PARP6: variants seen among roughly 807,000 people sequenced by gnomAD.
PARP6 encodes the protein protein mono-ADP-ribosyltransferase PARP6.
Under a neutral mutation model 92.0 loss-of-function variants are expected in PARP6, and 27 were observed. The observed-to-expected ratio is 0.29, with a 90% CI of 0.22 to 0.40. PARP6 has a LOEUF of 0.40. Among genes scored for constraint, PARP6 ranks in the 10% least tolerant of loss-of-function variants. The pLI is 1.00. For missense variants in PARP6, 501 were observed against 784.5 expected (o/e 0.64, Z 4.32); for synonymous variants, 272 against 281.2 (o/e 0.97, Z 0.33).
intron 11 of PARP6, among the ~76,000 whole-genome samples, chr15:72,258,614 C>T (rs2085441033): frequency 6.6e-6 from 1 of 152,206 alleles, no homozygotes; most frequent in Non-Finnish European, 1.5e-5. Flanking sequence ...TCCTGAGAAG[C>T]CATTTCAACT....
intron 20 of PARP6, chr15:72,243,850 C>T (rs965479527): frequency 5.3e-5 from 8 of 152,210 alleles, no homozygotes; most frequent in African/African-American, 1.9e-4. Flanking sequence ...CACCACTCTA[C>T]CCTGGAACTT....
chr15:72,265,489 T>C lies in PARP6; in HGVS notation c.177-16A>G, dbSNP rs927788940. Reference sequence around the variant, plus strand: ...TCCATATTCTCTATAGAGATACAGGTGACAACAGGTGAGACTCATTAAGGG... The same window carrying C: ...TCCATATTCTCTATAGAGATACAGGCGACAACAGGTGAGACTCATTAAGGG... On this transcript the variant is annotated splice_polypyrimidine_tract_variant and intron_variant, in intron 5 of 23. Transcript: ENST00000569795. The C allele has an allele frequency of 1.9e-6, 3 of 1,591,406 alleles. No individual in the cohort carries two copies. Among genetic ancestry groups the C allele is most frequent in the Non-Finnish European group, 2.6e-6 (3 of 1,159,460 alleles).
chr15:72,251,355 C>T (rs2084326740), intron 16 of PARP6, 100 bp from the exon 17 acceptor site: 2 of 708,426 alleles, frequency 2.8e-6, no homozygotes, highest in African/African-American at 1.8e-5. Flanking sequence ...GGAGAATAAA[C>T]AAGGATTCCT....
Position 72,251,171 on chromosome 15 carries a change from A to C in PARP6, c.1308+36T>G, listed in dbSNP as rs766255890. The C allele has an allele frequency of 4.2e-6, 6 of 1,445,642 alleles. No individual in the cohort carries two copies. In the South Asian group the frequency reaches 6.8e-5, roughly 16 times the overall value. 89.6% of individuals were successfully genotyped at this position (1,445,642 alleles called of 1,614,324 possible). On this transcript the variant is annotated intron_variant, in intron 17 of 23. Transcript: ENST00000569795. ...CCAGCCCCTCCCTGCCCCTCACCAG[A>C]AATTTAAAGCATTTAGAGGGAGAAT...
At position 72,265,125 on chromosome 15, in the gene PARP6, A is replaced by T. The variant is rs917906780; in HGVS notation, c.284T>A (p.Val95Glu). ...GGAGAGAGAAAATCGCAGCCTCAAC[A>T]CAATAGGTTCTGTCCGGAGGACCTT... ...AWKVLRTEPI[V>E]LRLRFSLSQY... is the part of the protein sequence containing the mutation. Residue 95 changes from valine (V) to glutamate (E), a missense_variant, in exon 7 of 24, where the codon GTG (valine) becomes GAG (glutamate). Val to Glu is a moderately radical substitution (Grantham distance 121, BLOSUM62 -2). Coordinates refer to ENST00000569795, the MANE Select transcript of PARP6 (RefSeq NM_001323532.2). 6.2e-7 allele frequency: 1 copy of T among 1,613,880 alleles called. No individual in the cohort carries two copies. Among genetic ancestry groups the T allele is most frequent in the South Asian group, 1.1e-5 (1 of 91,056 alleles).
At chr15:72,267,141 G>A (rs1597156034) in intron 3 of PARP6, 1 of 521,344 alleles carries the variant, frequency 1.9e-6, no homozygotes, top group East Asian at 3.2e-5. Context: ...CAATGTCAAG[G>A]TTGACTCCTA....
chr15:72,249,252 T>C lies in PARP6; in HGVS notation c.1554A>G (p.Gly518=). Residue 518 remains glycine, a synonymous_variant, in exon 20 of 24, where the codon GGA becomes GGG. Coordinates refer to ENST00000569795, the MANE Select transcript of PARP6 (RefSeq NM_001323532.2). ...CCACAGAATATTTCTTACCTGAGTA[T>C]CCAAAGGAAATACTGGAGATGGGGC... ...YLSPISSISF[G]YSGMGKGQHR... 6.3e-7 allele frequency: 1 copy of C among 1,594,946 alleles called. No homozygotes were observed. The highest frequency in any genetic ancestry group is 8.6e-7 in the Non-Finnish European group (1 of 1,164,120).
At chr15:72,245,344 T>A (rs560097716) in intron 20 of PARP6, 1 of 151,748 alleles carries the variant, frequency 6.6e-6, no homozygotes, top group Non-Finnish European at 1.5e-5. Flanking sequence ...GCCTGGGCGA[T>A]AGAGTGAGAC....
At position 72,259,661 on chromosome 15, in the gene PARP6, C is replaced by G. The variant is rs760667982; in HGVS notation, c.757G>C (p.Val253Leu). 1.2e-6 allele frequency: 2 copies of G among 1,613,900 alleles called. No individual in the cohort carries two copies. Among genetic ancestry groups the G allele is most frequent in the Admixed American group, 3.3e-5 (2 of 60,004 alleles). ...GGAATGTTCTTGCAGTGACCACTGACCTGGTGAGAGTAAAAAGACAGACCC... is the reference window on the plus strand; with the variant it reads ...GGAATGTTCTTGCAGTGACCACTGAGCTGGTGAGAGTAAAAAGACAGACCC... ...LPPPARTSPLVSGHCKNIPTL... is the reference protein window; with the variant it reads ...LPPPARTSPLLSGHCKNIPTL... The change falls in exon 11 of 24, where the codon GTC becomes CTC. Residue 253 changes from valine to leucine, a missense_variant and splice_region_variant. By Grantham distance (32) the Val-to-Leu change is conservative (BLOSUM62 1). This residue lies in a region of PARP6 where 291 missense variants were observed against 352.0 expected (regional missense o/e 0.83). Coordinates refer to ENST00000569795, the MANE Select transcript of PARP6 (RefSeq NM_001323532.2).
Position 72,241,533 on chromosome 15 carries a change from A to G in PARP6, c.1815T>C (p.Asp605=). Residue 605 remains aspartate (D), a synonymous_variant, in exon 24 of 24, where the codon GAT becomes GAC. Transcript: ENST00000569795. The surrounding 1 kb of genome is among the most constrained non-coding windows in gnomAD (Gnocchi z 4.1). The part of the protein sequence containing the change: ...FFVYEDGQVG[D]ANINTQDPKI... Reference sequence around the variant, plus strand: ...TGGGGTCCTGAGTATTAATGTTGGCATCGCCCACCTGACCATCCTCATATC... The same window carrying G: ...TGGGGTCCTGAGTATTAATGTTGGCGTCGCCCACCTGACCATCCTCATATC... The G allele has an allele frequency of 6.2e-7, 1 of 1,613,850 alleles. No individual in the cohort carries two copies. Among genetic ancestry groups the G allele is most frequent in the Non-Finnish European group, 8.5e-7 (1 of 1,179,742 alleles).
chr15:72,268,821 A>G (rs1041421298), intron 2 of PARP6, among the ~76,000 whole-genome samples: 2 of 152,214 alleles, frequency 1.3e-5, no homozygotes, highest in Non-Finnish European at 2.9e-5. Context: ...TGCAATAATT[A>G]TCCCAAAAAT....
chr15:72,269,261 A>C (rs879500180), intron 2 of PARP6, among the ~76,000 whole-genome samples: 1 of 152,102 alleles, frequency 6.6e-6, no homozygotes, highest in Non-Finnish European at 1.5e-5. Context: ...CCCGGGTTCA[A>C]GCAATTCTCC....
intron 6 of PARP6, 74 bp from the exon 7 acceptor site, chr15:72,265,245 C>T: frequency 2.8e-6 from 3 of 1,084,304 alleles, no homozygotes; most frequent in Admixed American, 1.8e-5. Flanking sequence ...CTATATGACA[C>T]ACACATGCAC....
Position 72,264,934 on chromosome 15 carries a change from A to G in PARP6, c.328+147T>C, listed in dbSNP as rs572943043. 43 of 628,274 alleles carry G rather than the reference A, an allele frequency of 6.8e-5. No homozygotes were observed. In the South Asian group the frequency reaches 8.2e-4, roughly 12 times the overall value. The allele number at this position is 628,274 out of a possible 1,614,324, so 38.9% of individuals were successfully genotyped here. A position where few individuals can be genotyped will look rare whatever the true frequency, so the allele number is the denominator to read the frequency against. ...TTAGGTGACAGGGGATGAAGATACCAATTACAGGGGACTAAAAAGCCCCTA... is the reference window on the plus strand; with the variant it reads ...TTAGGTGACAGGGGATGAAGATACCGATTACAGGGGACTAAAAAGCCCCTA... On this transcript the variant is annotated intron_variant, in intron 7 of 23. Coordinates refer to ENST00000569795, the MANE Select transcript of PARP6 (RefSeq NM_001323532.2).
At chr15:72,262,244 G>C (rs1333021484) in intron 8 of PARP6, among the ~76,000 whole-genome samples, 1 of 152,124 alleles carries the variant, frequency 6.6e-6, no homozygotes, top group Non-Finnish European at 1.5e-5. Context: ...CTAAGGTATT[G>C]TTCTAAATCC....
At position 72,265,184 on chromosome 15, in the gene PARP6, G is replaced by A; in HGVS notation, c.238-13C>T. 6.3e-7 allele frequency: 1 copy of A among 1,581,650 alleles called. No homozygotes were observed. Among genetic ancestry groups the A allele is most frequent in the South Asian group, 1.1e-5 (1 of 90,070 alleles). ...TAGAGACTTCCTCCTAAAAGAAGAA[G>A]GGAAATAGTTTCCAGTTTAGCAACA... On this transcript the variant is annotated splice_polypyrimidine_tract_variant and intron_variant, in intron 6 of 23. Transcript: ENST00000569795.
At chr15:72,262,304 T>G (rs79376603) in intron 8 of PARP6, among the ~76,000 whole-genome samples, 3,815 of 152,268 alleles carry the variant, frequency 0.025, 63 homozygotes, top group Non-Finnish European at 0.037. Context: ...AAAACCTCTC[T>G]TCCTTCTTAA....
chr15:72,247,033 C>T (rs1234886846), intron 20 of PARP6, among the ~76,000 whole-genome samples: 1 of 152,198 alleles, frequency 6.6e-6, no homozygotes. Context: ...GCTGGGATTA[C>T]AGGCGTGAGC....
chr15:72,242,014 A>C lies in PARP6; in HGVS notation c.1706-29T>G. 6.4e-7 allele frequency: 1 copy of C among 1,553,896 alleles called. No individual in the cohort carries two copies. Among genetic ancestry groups the C allele is most frequent in the Non-Finnish European group, 8.9e-7 (1 of 1,125,116 alleles). On this transcript the variant is annotated intron_variant, in intron 22 of 23. Transcript: ENST00000569795. The surrounding 1 kb of genome is among the most constrained non-coding windows in gnomAD (Gnocchi z 4.3). ...GGAGAAAGAGGGCCAGAAATCATAGATACAATGCTTAAGGCACAGAGTCCA... is the reference window on the plus strand; with the variant it reads ...GGAGAAAGAGGGCCAGAAATCATAGCTACAATGCTTAAGGCACAGAGTCCA...
Sources: gnomAD v4.1 joint callset for allele counts (sites outside exome capture counted in the v4.1 genomes callset) on GRCh38, gnomAD v4.1.1 for gene constraint, gnomAD v4.1.1 regional missense constraint, Gnocchi (gnomAD v3.1) non-coding constraint, MANE v1.5 for transcripts, NCBI Gene and HGNC (gene_info 2026-07-23, HGNC 2026-07-21) for gene names.